The following FIRRM variants were observed in gnomAD, a reference collection of about 807,000 sequenced individuals.
FIRRM encodes the protein FIGNL1-interacting regulator of recombination and mitosis.
the FIRRM span, chr1:169,851,270 A>G: frequency 1.3e-5 from 2 of 153,094 alleles, no homozygotes; most frequent in South Asian, 4.2e-4. Flanking sequence ...GATATATTAC[A>G]TGTAATGATG....
chr1:169,838,741 C>T, the FIRRM span, among the ~76,000 whole-genome samples: 6 of 152,016 alleles, frequency 3.9e-5, no homozygotes, highest in African/African-American at 1.2e-4. Flanking sequence ...CTGTCCACCT[C>T]GGTCTCCCAA....
chr1:169,810,191 C>G, the FIRRM span, among the ~76,000 whole-genome samples: 1 of 152,124 alleles, frequency 6.6e-6, no homozygotes, highest in African/African-American at 2.4e-5. Flanking sequence ...TTAATAGTAT[C>G]ACATTGGGTG....
At chr1:169,802,646 T>G in the FIRRM span, 1 of 1,611,902 alleles carries the variant, frequency 6.2e-7, no homozygotes, top group Non-Finnish European at 8.5e-7. Context: ...GATGACATGA[T>G]GTATGAATTA....
chr1:169,827,451 A>C, the FIRRM span, among the ~76,000 whole-genome samples: 1 of 152,180 alleles, frequency 6.6e-6, no homozygotes, highest in Non-Finnish European at 1.5e-5. Flanking sequence ...CAGCCTGACC[A>C]ATATGGTGAA....
chr1:169,814,820 A>G, the FIRRM span, among the ~76,000 whole-genome samples: 1 of 152,020 alleles, frequency 6.6e-6, no homozygotes, highest in Non-Finnish European at 1.5e-5. Flanking sequence ...GTTTTGGGAG[A>G]CTCAAAAGTT....
the FIRRM span, chr1:169,823,357 C>A: frequency 8.8e-7 from 1 of 1,134,598 alleles, no homozygotes; most frequent in Non-Finnish European, 1.3e-6. Flanking sequence ...ATTATATGTA[C>A]TAAAGAGACA....
the FIRRM span, chr1:169,829,492 G>A: frequency 2.0e-6 from 3 of 1,515,124 alleles, no homozygotes; most frequent in East Asian, 7.0e-5. Context: ...TTACACTTTT[G>A]CTTTCTCTTC....
the FIRRM span, among the ~76,000 whole-genome samples, chr1:169,806,541 C>CATTTAA: frequency 6.6e-6 from 1 of 152,192 alleles, no homozygotes; most frequent in African/African-American, 2.4e-5. Flanking sequence ...TTTAAAGGGT[C>CATTTAA]ACCAGGGATA....
the FIRRM span, chr1:169,829,282 G>A: frequency 4.2e-5 from 66 of 1,582,416 alleles, 1 homozygote; most frequent in Admixed American, 9.5e-4. Flanking sequence ...ACTCAAAGCC[G>A]TTTTCTACAG....
the FIRRM span, among the ~76,000 whole-genome samples, chr1:169,794,222 C>G: frequency 1.1e-3 from 174 of 152,348 alleles, 2 homozygotes; most frequent in Non-Finnish European, 6.0e-4. Context: ...TTTCAGCTGT[C>G]TTGATTTGTG....
At chr1:169,800,233 A>T in the FIRRM span, among the ~76,000 whole-genome samples, 3 of 151,934 alleles carry the variant, frequency 2.0e-5, no homozygotes, top group Admixed American at 1.3e-4. Context: ...TTTGGTAGAC[A>T]TGAGGTCTTG....
At chr1:169,843,984 T>C in the FIRRM span, among the ~76,000 whole-genome samples, 2 of 152,212 alleles carry the variant, frequency 1.3e-5, no homozygotes, top group Non-Finnish European at 2.9e-5. Context: ...TTCTTCTCTG[T>C]CACCCTATAC....
the FIRRM span, chr1:169,852,132 C>A: frequency 7.4e-6 from 5 of 672,956 alleles, no homozygotes; most frequent in Non-Finnish European, 2.5e-6. Flanking sequence ...CAAATATATT[C>A]TTTCAGTATG....
At chr1:169,804,134 T>C in the FIRRM span, 3 of 1,587,374 alleles carry the variant, frequency 1.9e-6, no homozygotes, top group Non-Finnish European at 2.6e-6. Context: ...TCCAGGCTCT[T>C]TTCAAGGAGG....
the FIRRM span, among the ~76,000 whole-genome samples, chr1:169,840,732 G>A: frequency 3.3e-5 from 5 of 151,828 alleles, no homozygotes; most frequent in Non-Finnish European, 1.5e-5. Context: ...GGATGGCCTC[G>A]ATCTCCTGAC....
the FIRRM span, among the ~76,000 whole-genome samples, chr1:169,814,518 G>A: frequency 0.11 from 16,011 of 152,182 alleles, 1,019 homozygotes; most frequent in Admixed American, 0.18. Flanking sequence ...TGTCTCTCCA[G>A]TAAGTAAATT....
chr1:169,811,640 G>A, the FIRRM span, among the ~76,000 whole-genome samples: 1 of 152,088 alleles, frequency 6.6e-6, no homozygotes. Context: ...GGACAACAGA[G>A]TGAGAGCTTG....
chr1:169,849,882 T>G, the FIRRM span: 1 of 475,638 alleles, frequency 2.1e-6, no homozygotes, highest in South Asian at 2.6e-5. Context: ...TTCCAGCAGA[T>G]AGTATTTTTG....
chr1:169,813,946 A>G, the FIRRM span, among the ~76,000 whole-genome samples: 7 of 152,182 alleles, frequency 4.6e-5, no homozygotes, highest in African/African-American at 1.7e-4. Context: ...CTTTTCCCCT[A>G]GGCCTGTTGA....
Sources: gnomAD v4.1 joint callset for allele counts (sites outside exome capture counted in the v4.1 genomes callset) on GRCh38, gnomAD v4.1.1 for gene constraint, MANE v1.5 for transcripts, NCBI Gene and HGNC (gene_info 2026-07-23, HGNC 2026-07-21) for gene names.